The following NSMCE2 variants were observed in gnomAD, a reference collection of about 807,000 sequenced individuals.
NSMCE2 encodes the protein NSE2 SUMO ligase component of SMC5/6 complex, also known as E3 SUMO-protein ligase NSE2.
In NSMCE2, 24 loss-of-function variants were observed where a neutral mutation model predicts 23.8. That is an observed-to-expected ratio of 1.01 (90% CI 0.73 to 1.42). The LOEUF is 1.42. Among genes scored for constraint, NSMCE2 ranks in the 40% most tolerant of loss-of-function variants. The pLI is 0.00. For synonymous variants in NSMCE2, 92 were observed against 94.1 expected, an observed-to-expected ratio of 0.98 and a Z score of 0.13; for missense variants, 284 against 296.5, an observed-to-expected ratio of 0.96 and a Z score of 0.31.
At chr8:125,224,287 A>G (rs1824999736) in intron 5 of NSMCE2, among the ~76,000 whole-genome samples, 1 of 152,078 alleles carries the variant, frequency 6.6e-6, no homozygotes, top group African/African-American at 2.4e-5. Flanking sequence ...TGTTTCCTTT[A>G]CTATGCAGAA....
chr8:125,283,951 A>G (rs1474934005), intron 5 of NSMCE2, among the ~76,000 whole-genome samples: 1 of 152,156 alleles, frequency 6.6e-6, no homozygotes, highest in East Asian at 1.9e-4. Context: ...CAGGAGATGG[A>G]GACCATCCTG....
intron 5 of NSMCE2, among the ~76,000 whole-genome samples, chr8:125,218,881 A>C (rs1185912133): frequency 6.6e-6 from 1 of 152,180 alleles, no homozygotes; most frequent in African/African-American, 2.4e-5. Context: ...AACACAATAA[A>C]ACAATCAGTT....
chr8:125,166,426 C>T (rs1401114718), intron 4 of NSMCE2, among the ~76,000 whole-genome samples: 1 of 152,112 alleles, frequency 6.6e-6, no homozygotes, highest in Non-Finnish European at 1.5e-5. Flanking sequence ...ACCACCACAC[C>T]TGGCTAATTT....
At chr8:125,220,490 A>G (rs868478359) in intron 5 of NSMCE2, among the ~76,000 whole-genome samples, 3 of 152,190 alleles carry the variant, frequency 2.0e-5, no homozygotes, top group Admixed American at 6.6e-5. Flanking sequence ...GTTTTACCAT[A>G]AAATTCTTAC....
chr8:125,354,703 A>G (rs900785314), intron 5 of NSMCE2, among the ~76,000 whole-genome samples: 1 of 152,232 alleles, frequency 6.6e-6, no homozygotes, highest in Non-Finnish European at 1.5e-5. Flanking sequence ...ATACAAATAT[A>G]CCAGTCTACT....
At chr8:125,280,853 G>T (rs945556825) in intron 5 of NSMCE2, among the ~76,000 whole-genome samples, 1 of 152,122 alleles carries the variant, frequency 6.6e-6, no homozygotes, top group Non-Finnish European at 1.5e-5. Context: ...ATTATAAACT[G>T]GTGTAGTTAA....
chr8:125,366,432 C>T (rs1039828823), intron 7 of NSMCE2, among the ~76,000 whole-genome samples: 1 of 151,818 alleles, frequency 6.6e-6, no homozygotes, highest in Non-Finnish European at 1.5e-5. Flanking sequence ...CCCAGCTACT[C>T]GGGAGGCTGA....
intron 5 of NSMCE2, among the ~76,000 whole-genome samples, chr8:125,200,660 G>A (rs1285993554): frequency 6.6e-6 from 1 of 152,136 alleles, no homozygotes; most frequent in Non-Finnish European, 1.5e-5. Context: ...TCTTGGGGTT[G>A]CTCTTCTCGA....
intron 5 of NSMCE2, among the ~76,000 whole-genome samples, chr8:125,219,955 C>G (rs886450745): frequency 1.3e-5 from 2 of 152,184 alleles, no homozygotes; most frequent in Non-Finnish European, 2.9e-5. Flanking sequence ...ACAACGTAGC[C>G]TGCCTTATGG....
At chr8:125,340,168 T>C (rs569012409) in intron 5 of NSMCE2, among the ~76,000 whole-genome samples, 5 of 151,724 alleles carry the variant, frequency 3.3e-5, no homozygotes, top group South Asian at 2.1e-4. Flanking sequence ...GCGCCCGCCA[T>C]CACGCCCGGC....
At chr8:125,285,342 G>A (rs1230846388) in intron 5 of NSMCE2, among the ~76,000 whole-genome samples, 3 of 152,138 alleles carry the variant, frequency 2.0e-5, no homozygotes, top group Non-Finnish European at 4.4e-5. Context: ...GGCTTGGGGT[G>A]CCTTGTTTCT....
At chr8:125,098,529 C>T (rs575032272) in intron 1 of NSMCE2, among the ~76,000 whole-genome samples, 4 of 152,064 alleles carry the variant, frequency 2.6e-5, no homozygotes, top group African/African-American at 9.7e-5. Context: ...AGACTGAGAG[C>T]AGGGAGACCA....
chr8:125,121,729 C>G (rs1438070922), intron 3 of NSMCE2, among the ~76,000 whole-genome samples: 1 of 152,088 alleles, frequency 6.6e-6, no homozygotes, highest in Non-Finnish European at 1.5e-5. Flanking sequence ...GTGTACCTGG[C>G]ATGTTATAAA....
chr8:125,348,870 G>C (rs566009619), intron 5 of NSMCE2: 46 of 152,154 alleles, frequency 3.0e-4, no homozygotes, highest in Non-Finnish European at 5.4e-4. Flanking sequence ...CAGGAACCTA[G>C]GATTCAGCTT....
chr8:125,315,798 C>CTT (rs11453416), intron 5 of NSMCE2, among the ~76,000 whole-genome samples: 1 of 151,322 alleles, frequency 6.6e-6, no homozygotes, highest in Non-Finnish European at 1.5e-5. Context: ...TGTTGGTACC[C>CTT]TTTTTTTTCC....
rs1563782551 is a variant in NSMCE2, at chr8:125,320,235, GGGAGGGAGGGAGGGAGGGAAGGAAGGAA to G, written c.419-36980_419-36953del. On this transcript the variant is annotated intron_variant, in intron 5 of 7. Transcript: ENST00000287437. Reference sequence around the variant, plus strand: ...AGGAAGGAAGGAGGGAGGGAGGGAAGGGAGGGAGGGAGGGAGGGAAGGAAGGAAGGAAGGAAGGAAGGAAGGAAGGAAG... The same window carrying G: ...AGGAAGGAAGGAGGGAGGGAGGGAAGGGAAGGAAGGAAGGAAGGAAGGAAG... Among the ~76,000 whole-genome samples the G allele has an allele frequency of 6.2e-3, 204 of 32,870 alleles. 1 individual carries two copies. The highest frequency in any genetic ancestry group is 0.014 in the African/African-American group (185 of 12,988). The allele number at this position is 32,870 out of a possible 152,430, so 21.6% of individuals were successfully genotyped here. A position where few individuals can be genotyped will look rare whatever the true frequency, so the allele number is the denominator to read the frequency against.
chr8:125,361,725 A>G (rs1336900213), intron 7 of NSMCE2, among the ~76,000 whole-genome samples: 4 of 152,208 alleles, frequency 2.6e-5, no homozygotes, highest in African/African-American at 7.2e-5. Flanking sequence ...AAATAGCTGT[A>G]GGGTTGTTAA....
At chr8:125,204,364 T>C (rs1824016180) in intron 5 of NSMCE2, among the ~76,000 whole-genome samples, 1 of 152,202 alleles carries the variant, frequency 6.6e-6, no homozygotes, top group Admixed American at 6.5e-5. Context: ...GGTCCTTCCT[T>C]ATAGAAGGTA....
intron 5 of NSMCE2, among the ~76,000 whole-genome samples, chr8:125,222,397 T>A (rs1187596083): frequency 6.6e-6 from 1 of 152,174 alleles, no homozygotes; most frequent in Non-Finnish European, 1.5e-5. Context: ...CTAAGTAATT[T>A]TGAAGTATAC....
Sources: allele counts gnomAD v4.1 joint callset (sites outside exome capture counted in the v4.1 genomes callset), GRCh38; gene constraint gnomAD v4.1.1; transcripts MANE v1.5; gene names NCBI Gene and HGNC (gene_info 2026-07-23, HGNC 2026-07-21).